The following MAGI2 variants were observed in gnomAD, a reference collection of about 807,000 sequenced individuals.
The protein encoded by MAGI2 is membrane associated guanylate kinase, WW and PDZ domain containing 2.
In MAGI2, 35 loss-of-function variants were observed where a neutral mutation model predicts 133.3. That is an observed-to-expected ratio of 0.26 (90% CI 0.20 to 0.35). The LOEUF (loss-of-function observed/expected upper bound fraction) is 0.35, where lower values mean the gene tolerates loss of function less well. Among genes scored for constraint, MAGI2 ranks in the 10% least tolerant of loss-of-function variants. The pLI is 1.00. For missense variants in MAGI2, 1,636 were observed against 1,863.4 expected, an observed-to-expected ratio of 0.88 and a Z score of 2.25; for synonymous variants, 729 against 710.6, an observed-to-expected ratio of 1.03 and a Z score of -0.41.
intron 2 of MAGI2, among the ~76,000 whole-genome samples, chr7:78,763,039 G>A (rs1028454049): frequency 4.6e-5 from 7 of 152,152 alleles, no homozygotes; most frequent in South Asian, 2.1e-4. Context: ...AGAGAAACAC[G>A]AGAAATGAAC....
chr7:79,118,990 A>G (rs1819649267), intron 1 of MAGI2, among the ~76,000 whole-genome samples: 1 of 152,168 alleles, frequency 6.6e-6, no homozygotes, highest in Non-Finnish European at 1.5e-5. Context: ...AGAAGTTGAA[A>G]TGATGTATTC....
intron 21 of MAGI2, among the ~76,000 whole-genome samples, chr7:78,056,814 A>T (rs1273845261): frequency 2.0e-5 from 3 of 152,132 alleles, no homozygotes; most frequent in Non-Finnish European, 4.4e-5. Flanking sequence ...TGGACCCTGA[A>T]CTTAAAAGTT....
intron 20 of MAGI2, among the ~76,000 whole-genome samples, chr7:78,086,378 C>T (rs1816643045): frequency 6.6e-6 from 1 of 151,624 alleles, no homozygotes; most frequent in Admixed American, 6.6e-5. Flanking sequence ...GCTGGGATTA[C>T]AGGCGCACTC....
intron 6 of MAGI2, among the ~76,000 whole-genome samples, chr7:78,482,924 C>T (rs908513904): frequency 6.2e-5 from 9 of 145,914 alleles, no homozygotes; most frequent in African/African-American, 2.4e-4. Context: ...CACACACACA[C>T]GAGTACTTGT....
intron 3 of MAGI2, among the ~76,000 whole-genome samples, chr7:78,621,027 G>C (rs533515845): frequency 3.3e-5 from 5 of 152,084 alleles, no homozygotes; most frequent in Non-Finnish European, 7.4e-5. Flanking sequence ...GTGAAATCAC[G>C]AATGTAAAAT....
chr7:78,829,260 A>G lies in MAGI2; in HGVS notation c.418+177830T>C, dbSNP rs183158909. On this transcript the variant is annotated intron_variant, in intron 2 of 21. Transcript: ENST00000354212. The stretch of plus-strand genomic sequence containing the variant: ...TTTCTTTTCTGTGAACTTCAAATTT[A>G]TGTTGTTTATGTACTTTCTGATACT... Among the ~76,000 whole-genome samples the G allele has an allele frequency of 4.2e-3, 638 of 151,410 alleles. 7 individuals carry two copies. The highest frequency in any genetic ancestry group is 0.015 in the African/African-American group (608 of 40,854).
At chr7:78,919,382 T>A (rs1307186760) in intron 2 of MAGI2, among the ~76,000 whole-genome samples, 1 of 152,106 alleles carries the variant, frequency 6.6e-6, no homozygotes, top group East Asian at 1.9e-4. Flanking sequence ...ATAGATTATA[T>A]ATAATTTAAT....
chr7:78,217,211 A>G (rs1788356446), intron 10 of MAGI2, among the ~76,000 whole-genome samples: 1 of 152,132 alleles, frequency 6.6e-6, no homozygotes, highest in African/African-American at 2.4e-5. Context: ...ACACAATTCA[A>G]CCTTTAACAA....
chr7:78,508,458 T>C (rs1795282246), intron 4 of MAGI2, among the ~76,000 whole-genome samples: 1 of 152,254 alleles, frequency 6.6e-6, no homozygotes, highest in Admixed American at 6.5e-5. Flanking sequence ...ATATCTTTCT[T>C]CTGTATCGGC....
chr7:78,321,377 A>G (rs1355816746), intron 9 of MAGI2, among the ~76,000 whole-genome samples: 2 of 152,204 alleles, frequency 1.3e-5, no homozygotes, highest in Non-Finnish European at 2.9e-5. Context: ...CTATACTACG[A>G]GGCTACAGTA....
intron 6 of MAGI2, among the ~76,000 whole-genome samples, chr7:78,458,930 G>A (rs1478068385): frequency 6.6e-6 from 1 of 152,038 alleles, no homozygotes; most frequent in Non-Finnish European, 1.5e-5. Flanking sequence ...CACTGGGCCG[G>A]GCTCATTACT....
At chr7:78,203,368 A>G (rs1829445981) in intron 10 of MAGI2, among the ~76,000 whole-genome samples, 1 of 152,226 alleles carries the variant, frequency 6.6e-6, no homozygotes, top group Admixed American at 6.5e-5. Context: ...ATGTATAATC[A>G]TCTACCGTCT....
intron 1 of MAGI2, among the ~76,000 whole-genome samples, chr7:79,448,320 C>T (rs1394372687): frequency 2.6e-5 from 4 of 151,934 alleles, no homozygotes; most frequent in African/African-American, 9.7e-5. Flanking sequence ...TAAAATACAA[C>T]TTGCAAAATA....
At chr7:78,104,903 AC>A (rs1818530864) in intron 20 of MAGI2, among the ~76,000 whole-genome samples, 1 of 152,224 alleles carries the variant, frequency 6.6e-6, no homozygotes, top group African/African-American at 2.4e-5. Flanking sequence ...ATATATATAT[AC>A]AGCTTAAACA....
chr7:78,315,337 T>C (rs111653795), intron 9 of MAGI2, among the ~76,000 whole-genome samples: 2 of 152,304 alleles, frequency 1.3e-5, no homozygotes, highest in Non-Finnish European at 1.5e-5. Flanking sequence ...GGCATATACT[T>C]GGCAGGGTTT....
At chr7:78,203,347 T>G (rs1160382235) in intron 10 of MAGI2, among the ~76,000 whole-genome samples, 2 of 152,182 alleles carry the variant, frequency 1.3e-5, no homozygotes, top group Non-Finnish European at 2.9e-5. Context: ...TGATTTTCCC[T>G]CCTATAGAAA....
intron 4 of MAGI2, among the ~76,000 whole-genome samples, chr7:78,511,811 T>C (rs1240616561): frequency 6.6e-6 from 1 of 151,268 alleles, no homozygotes; most frequent in Non-Finnish European, 1.5e-5. Flanking sequence ...ATATAAGATA[T>C]GAGGCTGGGC....
intron 1 of MAGI2, among the ~76,000 whole-genome samples, chr7:79,417,714 G>A (rs1846631565): frequency 6.6e-6 from 1 of 151,432 alleles, no homozygotes; most frequent in Non-Finnish European, 1.5e-5. Flanking sequence ...TGTCCAGGCT[G>A]CAGTTGTGAC....
At chr7:78,530,586 C>A (rs1004064534) in intron 3 of MAGI2, among the ~76,000 whole-genome samples, 1 of 152,090 alleles carries the variant, frequency 6.6e-6, no homozygotes, top group African/African-American at 2.4e-5. Context: ...TGGAAACAGA[C>A]AATACTCATA....
Sources: allele counts gnomAD v4.1 joint callset (sites outside exome capture counted in the v4.1 genomes callset), GRCh38; gene constraint gnomAD v4.1.1; transcripts MANE v1.5; gene names NCBI Gene and HGNC (gene_info 2026-07-23, HGNC 2026-07-21).